CIMIP3: variants seen among roughly 807,000 people sequenced by gnomAD.
CIMIP3 encodes the protein ciliary microtubule inner protein 3.
chr6:42,159,759 G>A, the CIMIP3 span, among the ~76,000 whole-genome samples: 1 of 152,208 alleles, frequency 6.6e-6, no homozygotes, highest in African/African-American at 2.4e-5. Flanking sequence ...ACCACAGTGG[G>A]CACAAGACAC....
chr6:42,163,315 A>G, the CIMIP3 span: 1 of 487,948 alleles, frequency 2.0e-6, no homozygotes. Context: ...CCCCAAGGGG[A>G]AGGGCTGCTC....
At chr6:42,159,275 C>T in the CIMIP3 span, among the ~76,000 whole-genome samples, 1 of 152,188 alleles carries the variant, frequency 6.6e-6, no homozygotes, top group Non-Finnish European at 1.5e-5. Flanking sequence ...GACAACCCCT[C>T]TAACAAAGAT....
At chr6:42,156,966 G>A in the CIMIP3 span, among the ~76,000 whole-genome samples, 1 of 152,200 alleles carries the variant, frequency 6.6e-6, no homozygotes, top group Non-Finnish European at 1.5e-5. Flanking sequence ...GGCTACAGGT[G>A]GAATTTCTCA....
chr6:42,159,979 T>C, the CIMIP3 span, among the ~76,000 whole-genome samples: 6 of 152,080 alleles, frequency 3.9e-5, no homozygotes, highest in Non-Finnish European at 8.8e-5. Flanking sequence ...CAGACTGAAG[T>C]GGAAAAGAAT....
At chr6:42,156,414 C>T in the CIMIP3 span, among the ~76,000 whole-genome samples, 89 of 151,880 alleles carry the variant, frequency 5.9e-4, no homozygotes, top group Non-Finnish European at 8.2e-4. Context: ...TTCAACCTCC[C>T]GCTGAATTAC....
the CIMIP3 span, among the ~76,000 whole-genome samples, chr6:42,156,614 T>G: frequency 6.6e-6 from 1 of 152,224 alleles, no homozygotes; most frequent in African/African-American, 2.4e-5. Flanking sequence ...GGTATGTGTG[T>G]GAAACCACGG....
At chr6:42,159,822 C>T in the CIMIP3 span, among the ~76,000 whole-genome samples, 1 of 152,356 alleles carries the variant, frequency 6.6e-6, no homozygotes, top group African/African-American at 2.4e-5. Flanking sequence ...AGCCTTGCTC[C>T]TCACCAGTCA....
At chr6:42,155,635 GTGCTGC>G in the CIMIP3 span, 6 of 717,334 alleles carry the variant, frequency 8.4e-6, no homozygotes, top group South Asian at 8.9e-5. Flanking sequence ...GCTGGTGCTG[GTGCTGC>G]TGCCTGCCTT....
chr6:42,161,052 G>A, the CIMIP3 span, among the ~76,000 whole-genome samples: 1 of 152,176 alleles, frequency 6.6e-6, no homozygotes, highest in Non-Finnish European at 1.5e-5. Context: ...GCCTGGTGTG[G>A]TGGCGCATGC....
At chr6:42,163,157 C>A in the CIMIP3 span, 5 of 644,410 alleles carry the variant, frequency 7.8e-6, no homozygotes, top group Admixed American at 4.7e-5. Flanking sequence ...TTTGCAGAAG[C>A]CTACCTGTGG....
the CIMIP3 span, among the ~76,000 whole-genome samples, chr6:42,156,837 A>G: frequency 6.6e-6 from 1 of 152,256 alleles, no homozygotes; most frequent in African/African-American, 2.4e-5. Context: ...CAGACCTTCA[A>G]ACACCAAAGC....
chr6:42,159,666 C>T, the CIMIP3 span, among the ~76,000 whole-genome samples: 5 of 152,216 alleles, frequency 3.3e-5, no homozygotes, highest in Non-Finnish European at 7.3e-5. Flanking sequence ...ACCCAGCACA[C>T]CTGGCAGGAG....
At chr6:42,159,855 A>T in the CIMIP3 span, among the ~76,000 whole-genome samples, 1 of 152,188 alleles carries the variant, frequency 6.6e-6, no homozygotes, top group Non-Finnish European at 1.5e-5. Flanking sequence ...CAGGGGACTG[A>T]CCTCTTCAGT....
chr6:42,163,305 C>A, the CIMIP3 span: 1 of 491,914 alleles, frequency 2.0e-6, no homozygotes, highest in South Asian at 4.0e-5. Flanking sequence ...GACCTCAGGT[C>A]CCCAAGGGGA....
chr6:42,157,310 T>C, the CIMIP3 span, among the ~76,000 whole-genome samples: 1 of 152,080 alleles, frequency 6.6e-6, no homozygotes, highest in East Asian at 1.9e-4. Flanking sequence ...CAGCTCCCCG[T>C]AACCTCCTCC....
chr6:42,162,020 G>A, the CIMIP3 span, among the ~76,000 whole-genome samples: 1 of 150,192 alleles, frequency 6.7e-6, no homozygotes, highest in African/African-American at 2.4e-5. Flanking sequence ...CAGGGAACAA[G>A]AGGTAGACTG....
chr6:42,160,802 C>G, the CIMIP3 span, among the ~76,000 whole-genome samples: 1 of 152,142 alleles, frequency 6.6e-6, no homozygotes, highest in African/African-American at 2.4e-5. Flanking sequence ...AAACTGAGGG[C>G]ACATTTATAC....
the CIMIP3 span, among the ~76,000 whole-genome samples, chr6:42,157,556 C>CTT: frequency 0.17 from 24,871 of 143,646 alleles, 2,195 homozygotes; most frequent in East Asian, 0.25. Flanking sequence ...GCTCTTTTTT[C>CTT]TTTTTTTTTT....
the CIMIP3 span, among the ~76,000 whole-genome samples, chr6:42,162,437 C>T: frequency 7.6e-5 from 11 of 145,422 alleles, no homozygotes; most frequent in South Asian, 2.2e-4. Context: ...GATGGAGTCT[C>T]GCTCTGTGAG....
Sources: allele counts gnomAD v4.1 joint callset (sites outside exome capture counted in the v4.1 genomes callset), GRCh38; gene constraint gnomAD v4.1.1; transcripts MANE v1.5; gene names NCBI Gene and HGNC (gene_info 2026-07-23, HGNC 2026-07-21).